The following KDSR variants were observed in gnomAD, a reference collection of about 807,000 sequenced individuals.
KDSR encodes the protein 3-ketodihydrosphingosine reductase, also known as 3-dehydrosphinganine reductase.
A neutral mutation model predicts 41.3 loss-of-function variants in KDSR; 23 were observed. The observed-to-expected ratio is 0.56, with a 90% CI of 0.40 to 0.79. The LOEUF is 0.79. KDSR is among the 30% of genes least tolerant of loss of function. The pLI is 0.00. For missense variants in KDSR, 351 were observed against 416.8 expected (o/e 0.84, Z 1.37); for synonymous variants, 138 against 151.7 (o/e 0.91, Z 0.66).
intron 5 of KDSR, among the ~76,000 whole-genome samples, chr18:63,351,994 G>C (rs1253446613): frequency 4.6e-5 from 7 of 152,064 alleles, no homozygotes; most frequent in Admixed American, 4.6e-4. Context: ...ATTTTGCCTA[G>C]GCTGGTCTTG....
rs1246595618 is a variant in KDSR at position 63,331,147 on chromosome 18, AAGCC to A, written c.*631_*634del. 5.1e-5 allele frequency: 12 copies of A among 233,270 alleles called. No individual in the cohort carries two copies. The South Asian group carries it at 2.2e-3, about 42-fold the overall frequency. 14.5% of individuals were successfully genotyped at this position (233,270 alleles called of 1,614,324 possible). ...GCTTTATGGGATCAAAGAGAGAGAGAAGCCATGAGTTTCCACCAGCAGCAGAGTG... is the reference window on the plus strand; with the variant it reads ...GCTTTATGGGATCAAAGAGAGAGAGAATGAGTTTCCACCAGCAGCAGAGTG... On this transcript the variant is annotated 3_prime_UTR_variant, in exon 10 of 10. Transcript: ENST00000645214.
At chr18:63,358,928 C>A (rs1914881312) in intron 3 of KDSR, among the ~76,000 whole-genome samples, 2 of 150,110 alleles carry the variant, frequency 1.3e-5, no homozygotes, top group Admixed American at 1.3e-4. Context: ...CCTATAATAC[C>A]AGCACTTTGG....
chr18:63,330,241 T>C lies in KDSR; in HGVS notation c.*1541A>G, dbSNP rs1231033700. 3 of 205,638 alleles carry C rather than the reference T, an allele frequency of 1.5e-5. No homozygotes were observed. Among genetic ancestry groups the C allele is most frequent in the African/African-American group, 6.8e-5 (3 of 43,814 alleles). 12.7% of individuals were successfully genotyped at this position (205,638 alleles called of 1,614,324 possible). ...TAGAGTTTTTATGTTTTTTAAGTTT[T>C]ATTTTACAATTTAAGAAAGTTTCCT... On this transcript the variant is annotated 3_prime_UTR_variant, in exon 10 of 10. Coordinates refer to ENST00000645214, the MANE Select transcript of KDSR (RefSeq NM_002035.4).
intron 2 of KDSR, among the ~76,000 whole-genome samples, chr18:63,362,152 T>G (rs1040627605): frequency 2.6e-5 from 4 of 152,168 alleles, no homozygotes; most frequent in African/African-American, 9.7e-5. Context: ...CCAGTCCCCA[T>G]ATGGGGAGCA....
chr18:63,331,317 ACAGAGAG>A lies in KDSR; in HGVS notation c.*458_*464del, dbSNP rs1317774726. On this transcript the variant is annotated 3_prime_UTR_variant, in exon 10 of 10. Transcript: ENST00000645214. ...GACAGAGAGACAGAGAGACAGAGAG[ACAGAGAG>A]ACAGAGAGAGAGAGAGAGAGAACCC... 8.9e-6 allele frequency: 2 copies of A among 224,872 alleles called. No individual in the cohort carries two copies. Among genetic ancestry groups the A allele is most frequent in the Non-Finnish European group, 1.7e-5 (2 of 115,476 alleles). 13.9% of individuals were successfully genotyped at this position (224,872 alleles called of 1,614,324 possible).
In KDSR at chr18:63,331,906, A is replaced by G; in HGVS notation, c.880-5T>C. 1 of 1,613,318 alleles carries G rather than the reference A, an allele frequency of 6.2e-7. No homozygotes were observed. ...GAAAAGGCCCATGGTGACCACCTGCAAGATAAAGAGAGAGCTTTTAGTGCA... is the reference window on the plus strand; with the variant it reads ...GAAAAGGCCCATGGTGACCACCTGCGAGATAAAGAGAGAGCTTTTAGTGCA... On this transcript the variant is annotated splice_polypyrimidine_tract_variant and splice_region_variant and intron_variant, in intron 9 of 9. Transcript: ENST00000645214.
chr18:63,346,039 GCA>G (rs1914492625), intron 6 of KDSR: 1 of 151,946 alleles, frequency 6.6e-6, no homozygotes, highest in South Asian at 2.1e-4. Flanking sequence ...CTTCAGTGAA[GCA>G]CAGTTTTGAG....
chr18:63,359,433 T>G (rs1914900682), intron 3 of KDSR: 1 of 255,142 alleles, frequency 3.9e-6, no homozygotes, highest in African/African-American at 2.2e-5. Context: ...CAAATAAATT[T>G]TAAATATTCC....
At chr18:63,340,023 C>A (rs1356152850) in intron 7 of KDSR, among the ~76,000 whole-genome samples, 1 of 152,288 alleles carries the variant, frequency 6.6e-6, no homozygotes, top group South Asian at 2.1e-4. Context: ...TTCTTCCAGA[C>A]CCCCAGGCTG....
chr18:63,365,784 TAG>T (rs767506936), intron 1 of KDSR, among the ~76,000 whole-genome samples: 2 of 152,238 alleles, frequency 1.3e-5, no homozygotes, highest in African/African-American at 2.4e-5. Context: ...TTTCAGAATT[TAG>T]AGTGTCAAGT....
Position 63,367,158 on chromosome 18 carries a change from G to A in KDSR, c.-40C>T, listed in dbSNP as rs779673998. 15 of 1,130,732 alleles carry A rather than the reference G, an allele frequency of 1.3e-5. No homozygotes were observed. Among genetic ancestry groups the A allele is most frequent in the South Asian group, 4.3e-5 (1 of 23,050 alleles). 70.0% of individuals were successfully genotyped at this position (1,130,732 alleles called of 1,614,324 possible). A position where few individuals can be genotyped will look rare whatever the true frequency, so the allele number is the denominator to read the frequency against. On this transcript the variant is annotated 5_prime_UTR_variant, in exon 1 of 10. Transcript: ENST00000645214. ...AGGGGCCCGGAGCGGCCGGGCGGGGGCCGCCGGGCAAGGCGCGCAGGGCTG... is the reference window on the plus strand; with the variant it reads ...AGGGGCCCGGAGCGGCCGGGCGGGGACCGCCGGGCAAGGCGCGCAGGGCTG...
intron 7 of KDSR, among the ~76,000 whole-genome samples, chr18:63,343,876 G>C (rs759522638): frequency 1.3e-5 from 2 of 152,074 alleles, no homozygotes; most frequent in Non-Finnish European, 2.9e-5. Context: ...ATACTTCTTT[G>C]ATAAAAATGT....
chr18:63,350,286 T>TA (rs1248012624), intron 6 of KDSR, among the ~76,000 whole-genome samples: 1 of 152,236 alleles, frequency 6.6e-6, no homozygotes, highest in Admixed American at 6.5e-5. Flanking sequence ...AAATCCTAAC[T>TA]ACATCCTTCT....
rs562688785 is a variant in KDSR, at chr18:63,328,297, T to C, written c.*3485A>G. ...AAATACTAGAAACAATCTCTCAAAA[T>C]TTCACTTGCAATGATCAATAATATA... On this transcript the variant is annotated 3_prime_UTR_variant, in exon 10 of 10. Transcript: ENST00000645214. 2.8e-5 allele frequency: 5 copies of C among 179,020 alleles called. 1 individual carries two copies. The highest frequency in any genetic ancestry group is 1.2e-4 in the African/African-American group (5 of 42,434). The allele number at this position is 179,020 out of a possible 1,614,324, so 11.1% of individuals were successfully genotyped here. A position where few individuals can be genotyped will look rare whatever the true frequency, so the allele number is the denominator to read the frequency against.
In KDSR at chr18:63,338,832, G is replaced by C; in HGVS notation, c.745C>G (p.Gln249Glu). 6.2e-7 allele frequency: 1 copy of C among 1,609,698 alleles called. No individual in the cohort carries two copies. The highest frequency in any genetic ancestry group is 1.1e-5 in the South Asian group (1 of 89,878). ...SETTSVCKPEQVAKQIVKDAI... is the reference protein window; with the variant it reads ...SETTSVCKPEEVAKQIVKDAI... ...TCTTTAACAATTTGTTTGGCCACCT[G>C]TTCTGGTTTGCACACAGATGTGGTC... Residue 249 changes from glutamine (Q) to glutamate (E), a missense_variant, in exon 8 of 10, where the codon CAG becomes GAG. By Grantham distance (29) the Gln-to-Glu change is conservative. Coordinates refer to ENST00000645214, the MANE Select transcript of KDSR (RefSeq NM_002035.4).
At chr18:63,347,545 C>G (rs944728989) in intron 6 of KDSR, among the ~76,000 whole-genome samples, 1 of 147,752 alleles carries the variant, frequency 6.8e-6, no homozygotes, top group Non-Finnish European at 1.5e-5. Flanking sequence ...TAAAATAATC[C>G]ACATAGGATG....
In KDSR at chr18:63,351,011, C is replaced by T. The variant is rs1366893784; in HGVS notation, c.486G>A (p.Glu162=). ...CAAACACGATCCTGCCCACCCGGCGCTCCTTCATGGTGGTGATCACGGCCC... is the reference window on the plus strand; with the variant it reads ...CAAACACGATCCTGCCCACCCGGCGTTCCTTCATGGTGGTGATCACGGCCC... ...PSRAVITTMK[E]RRVGRIVFVS... Residue 162 remains glutamate (E), a synonymous_variant, in exon 6 of 10, where the codon GAG becomes GAA. Coordinates refer to ENST00000645214, the MANE Select transcript of KDSR (RefSeq NM_002035.4). 7 of 1,614,038 alleles carry T rather than the reference C, an allele frequency of 4.3e-6. No homozygotes were observed. Among genetic ancestry groups the T allele is most frequent in the Non-Finnish European group, 5.9e-6 (7 of 1,180,002 alleles).
Position 63,355,072 on chromosome 18 carries a change from T to C in KDSR, c.417+132A>G, listed in dbSNP as rs1350540278. ...TTGTTCAGCTTCACCTTGTTCAGCC[T>C]TCCTCTAGAGTCTTCTAAAGCTTCC... is the stretch of plus-strand genomic sequence containing the variant. On this transcript the variant is annotated intron_variant, in intron 5 of 9. Coordinates refer to ENST00000645214, the MANE Select transcript of KDSR (RefSeq NM_002035.4). 4 of 621,086 alleles carry C rather than the reference T, an allele frequency of 6.4e-6. No individual in the cohort carries two copies. In the East Asian group the frequency reaches 1.1e-4, roughly 17 times the overall value. The allele number at this position is 621,086 out of a possible 1,614,324, so 38.5% of individuals were successfully genotyped here. A position where few individuals can be genotyped will look rare whatever the true frequency, so the allele number is the denominator to read the frequency against.
chr18:63,338,088 C>T (rs1914236329), intron 8 of KDSR, among the ~76,000 whole-genome samples: 1 of 152,212 alleles, frequency 6.6e-6, no homozygotes, highest in Non-Finnish European at 1.5e-5. Context: ...TATATTTCAA[C>T]AGAATTCACT....
Sources: allele counts gnomAD v4.1 joint callset (sites outside exome capture counted in the v4.1 genomes callset), GRCh38; gene constraint gnomAD v4.1.1; transcripts MANE v1.5; gene names NCBI Gene and HGNC (gene_info 2026-07-23, HGNC 2026-07-21).